The following MAP2K6 variants were observed in gnomAD, a reference collection of about 807,000 sequenced individuals.
The protein encoded by MAP2K6 is dual specificity mitogen-activated protein kinase kinase 6.
Under a neutral mutation model 53.7 loss-of-function variants are expected in MAP2K6, and 16 were observed. That is an observed-to-expected ratio of 0.30 (90% CI 0.20 to 0.45). The LOEUF (loss-of-function observed/expected upper bound fraction) is 0.45, where lower values mean the gene tolerates loss of function less well. Among genes scored for constraint, MAP2K6 ranks in the 20% least tolerant of loss-of-function variants. MAP2K6 has a pLI of 1.00. For synonymous variants in MAP2K6, 132 were observed against 143.1 expected (o/e 0.92, Z 0.55); for missense variants, 204 against 411.9 (o/e 0.50, Z 4.37).
chr17:69,415,690 T>C (rs560757647), intron 1 of MAP2K6, among the ~76,000 whole-genome samples: 1 of 152,262 alleles, frequency 6.6e-6, no homozygotes, highest in East Asian at 1.9e-4. Context: ...GTCTGCCCAT[T>C]TGGGGGATGC....
chr17:69,478,472 G>T (rs1908237225), intron 1 of MAP2K6, among the ~76,000 whole-genome samples: 2 of 152,150 alleles, frequency 1.3e-5, no homozygotes, highest in South Asian at 2.1e-4. Context: ...CACTCTTGTT[G>T]CCCAGGCTGG....
rs1368624796 is a variant in MAP2K6, at chr17:69,449,529, T to TTTTCTTTC, written c.16+34530_16+34531insTTCTTTCT. 1.4e-3 allele frequency among the ~76,000 whole-genome samples: 140 copies of TTTTCTTTC among 101,370 alleles called. 1 individual carries two copies. Among genetic ancestry groups the TTTTCTTTC allele is most frequent in the Admixed American group, 8.4e-3 (86 of 10,288 alleles). The allele number at this position is 101,370 out of a possible 152,430, so 66.5% of individuals were successfully genotyped here. ...TCTTTCTTTCTTTGTCTTTCTTTCT[T>TTTTCTTTC]TGTCTTTCTTTCTTTCTTTCTTTCT... On this transcript the variant is annotated intron_variant, in intron 1 of 11. Transcript: ENST00000590474.
chr17:69,462,338 C>T (rs1408215984), intron 1 of MAP2K6, among the ~76,000 whole-genome samples: 1 of 152,080 alleles, frequency 6.6e-6, no homozygotes, highest in African/African-American at 2.4e-5. Flanking sequence ...TCTGTGGACT[C>T]CAGCACATGC....
At chr17:69,526,871 C>T (rs1003249563) in intron 10 of MAP2K6, among the ~76,000 whole-genome samples, 162 bp downstream of exon 10, 8 of 152,128 alleles carry the variant, frequency 5.3e-5, no homozygotes, top group Non-Finnish European at 1.2e-4. Context: ...TATCACACTC[C>T]CTGCCCTCAC....
intron 10 of MAP2K6, among the ~76,000 whole-genome samples, chr17:69,533,838 C>T (rs1482974185): frequency 6.7e-6 from 1 of 150,306 alleles, no homozygotes; most frequent in Non-Finnish European, 1.5e-5. Context: ...AGCTCTTGAA[C>T]TTAGAAAGAA....
rs1306114133 is a variant in MAP2K6 at position 69,545,028 on chromosome 17, G to T, written c.*3275G>T. The T allele has an allele frequency of 6.6e-6, 1 of 152,152 alleles. No individual in the cohort carries two copies. The highest frequency in any genetic ancestry group is 6.5e-5 in the Admixed American group (1 of 15,270). 9.4% of individuals were successfully genotyped at this position (152,152 alleles called of 1,614,324 possible). Reference sequence around the variant, plus strand: ...CCTTGTTTATCAGATTTTGCACAAAGTTGTGTTTGACAATTTCTAGAAGTT... The same window carrying T: ...CCTTGTTTATCAGATTTTGCACAAATTTGTGTTTGACAATTTCTAGAAGTT... On this transcript the variant is annotated 3_prime_UTR_variant, in exon 12 of 12. Transcript: ENST00000590474.
rs372343947 is a variant in MAP2K6, at chr17:69,469,476, A to G, written c.17-36304A>G. ...GTAGAGTCAAATGAGAAAAGTATCT[A>G]TAGGGGTCCAGGTGCGGTGGTGCAC... On this transcript the variant is annotated intron_variant, in intron 1 of 11. Coordinates refer to ENST00000590474, the MANE Select transcript of MAP2K6 (RefSeq NM_002758.4). 4.5e-4 allele frequency among the ~76,000 whole-genome samples: 68 copies of G among 152,336 alleles called. 2 individuals are homozygous for G. In the Middle Eastern group the frequency reaches 0.01, roughly 23 times the overall value.
chr17:69,511,833 G>T (rs1261349150), intron 2 of MAP2K6, among the ~76,000 whole-genome samples: 3 of 152,192 alleles, frequency 2.0e-5, no homozygotes, highest in Admixed American at 1.3e-4. Context: ...CAAAAAATTA[G>T]CTGGGCGTGG....
At chr17:69,503,598 A>G (rs1365360085) in intron 1 of MAP2K6, among the ~76,000 whole-genome samples, 1 of 152,170 alleles carries the variant, frequency 6.6e-6, no homozygotes, top group Admixed American at 6.5e-5. Context: ...TTTCCTGGCT[A>G]TATACAACTT....
At chr17:69,471,826 A>G (rs550550593) in intron 1 of MAP2K6, among the ~76,000 whole-genome samples, 3 of 152,336 alleles carry the variant, frequency 2.0e-5, no homozygotes, top group South Asian at 2.1e-4. Flanking sequence ...ATTATGGTTC[A>G]GCCCTCCTTG....
intron 2 of MAP2K6, among the ~76,000 whole-genome samples, chr17:69,511,461 A>G (rs965565350): frequency 1.3e-5 from 2 of 152,160 alleles, no homozygotes; most frequent in African/African-American, 2.4e-5. Context: ...CCCGAGTTCA[A>G]CGTGTGTGGC....
intron 2 of MAP2K6, among the ~76,000 whole-genome samples, chr17:69,516,042 T>G (rs1226719816): frequency 6.6e-6 from 1 of 152,056 alleles, no homozygotes; most frequent in African/African-American, 2.4e-5. Flanking sequence ...CAGGGACTGG[T>G]TTTTTGAAAG....
intron 2 of MAP2K6, among the ~76,000 whole-genome samples, chr17:69,508,217 GA>G (rs2145229314): frequency 1.3e-5 from 2 of 149,058 alleles, no homozygotes; most frequent in South Asian, 4.2e-4. Context: ...ATGCCCAGCT[GA>G]TTTTTTTTTT....
At chr17:69,427,924 C>A (rs1050499115) in intron 1 of MAP2K6, among the ~76,000 whole-genome samples, 1 of 152,130 alleles carries the variant, frequency 6.6e-6, no homozygotes. Flanking sequence ...AATTGTTTTC[C>A]ATCCCGAGTT....
At chr17:69,523,706 G>A in intron 8 of MAP2K6, 65 bp downstream of exon 8, 1 of 1,587,564 alleles carries the variant, frequency 6.3e-7, no homozygotes, top group Non-Finnish European at 8.6e-7. Context: ...TGGGAAACAA[G>A]AAATGGATGG....
intron 1 of MAP2K6, among the ~76,000 whole-genome samples, chr17:69,462,447 T>C (rs1429360236): frequency 6.6e-6 from 1 of 152,098 alleles, no homozygotes; most frequent in Non-Finnish European, 1.5e-5. Context: ...ATGACAAAGA[T>C]GGTTTTTCAA....
rs866912500 is a variant in MAP2K6 at position 69,523,792 on chromosome 17, T to C, written c.663+151T>C. 19 of 1,020,332 alleles carry C rather than the reference T, an allele frequency of 1.9e-5. No homozygotes were observed. The African/African-American group carries it at 2.2e-4, about 12-fold the overall frequency. 63.2% of individuals were successfully genotyped at this position (1,020,332 alleles called of 1,614,324 possible). A position where few individuals can be genotyped will look rare whatever the true frequency, so the allele number is the denominator to read the frequency against. Reference sequence around the variant, plus strand: ...CTTAGTATTTCTTCAAAATTTTATGTCTGAAATCTTTACTCACTTGCTTCG... The same window carrying C: ...CTTAGTATTTCTTCAAAATTTTATGCCTGAAATCTTTACTCACTTGCTTCG... On this transcript the variant is annotated intron_variant, in intron 8 of 11. Coordinates refer to ENST00000590474, the MANE Select transcript of MAP2K6 (RefSeq NM_002758.4).
At chr17:69,472,774 C>G (rs1225584250) in intron 1 of MAP2K6, among the ~76,000 whole-genome samples, 1 of 152,164 alleles carries the variant, frequency 6.6e-6, no homozygotes, top group Non-Finnish European at 1.5e-5. Flanking sequence ...CCTCGGCTCC[C>G]TGCAGCCTCT....
In MAP2K6 at chr17:69,436,317, TA is replaced by T. The variant is rs539934206; in HGVS notation, c.16+21325del. On this transcript the variant is annotated intron_variant, in intron 1 of 11. Coordinates refer to ENST00000590474, the MANE Select transcript of MAP2K6 (RefSeq NM_002758.4). ...ATAGGTAGGGTTAAATGAAAATTGA[TA>T]AAAAAAATACTATAATTATTTTTGT... is the stretch of plus-strand genomic sequence containing the variant. Among the ~76,000 whole-genome samples the T allele has an allele frequency of 3.6e-3, 553 of 152,134 alleles. 3 individuals carry two copies. Among genetic ancestry groups the T allele is most frequent in the African/African-American group, 0.012 (507 of 41,514 alleles).
Sources: gnomAD v4.1 joint callset for allele counts (sites outside exome capture counted in the v4.1 genomes callset) on GRCh38, gnomAD v4.1.1 for gene constraint, MANE v1.5 for transcripts, NCBI Gene and HGNC (gene_info 2026-07-23, HGNC 2026-07-21) for gene names.